The following CCR5AS variants were observed in gnomAD, a reference collection of about 807,000 sequenced individuals.
CCR5AS encodes the protein CCR5 antisense RNA.
At chr3:46,388,142 T>C (rs1386587296) in intron 2 of CCR5AS, among the ~76,000 whole-genome samples, 1 of 152,096 alleles carries the variant, frequency 6.6e-6, no homozygotes, top group Non-Finnish European at 1.5e-5. Context: ...TCTTCTTATA[T>C]TAATAAGAAA....
intron 2 of CCR5AS, among the ~76,000 whole-genome samples, chr3:46,380,812 C>T (rs1701809162): frequency 6.6e-6 from 1 of 152,234 alleles, no homozygotes; most frequent in African/African-American, 2.4e-5. Context: ...GATCTGCCTG[C>T]ATTGCTGCCC....
intron 2 of CCR5AS, chr3:46,373,188 T>C (rs756101518): frequency 6.2e-7 from 1 of 1,614,172 alleles, no homozygotes; most frequent in Non-Finnish European, 8.5e-7. Context: ...CCAGTGGGAC[T>C]TTGGAAATAC....
At position 46,378,031 on chromosome 3, in the gene CCR5AS, G is replaced by A. The variant is rs547918842; in HGVS notation, n.392-6614C>T. The stretch of plus-strand genomic sequence containing the variant: ...CCAACAAATCATGAACTTTCTAACT[G>A]CAGTTCCTTGTAGCTTGTTAACACA... On this transcript the variant is annotated intron_variant and non_coding_transcript_variant, in intron 2 of 3. Coordinates refer to ENST00000451485, the Ensembl canonical transcript of CCR5AS. 4.6e-5 allele frequency among the ~76,000 whole-genome samples: 7 copies of A among 152,296 alleles called. No individual in the cohort carries two copies. The South Asian group carries it at 1.2e-3, about 27-fold the overall frequency.
At chr3:46,384,267 C>T (rs376947523) in intron 2 of CCR5AS, among the ~76,000 whole-genome samples, 176 of 152,312 alleles carry the variant, frequency 1.2e-3, no homozygotes, top group African/African-American at 3.8e-3. Flanking sequence ...GCCATCCCAT[C>T]CTAATCTTTT....
intron 1 of CCR5AS, among the ~76,000 whole-genome samples, chr3:46,396,999 T>C (rs1231064332): frequency 6.6e-6 from 1 of 152,232 alleles, no homozygotes; most frequent in Non-Finnish European, 1.5e-5. Context: ...CTCTCTTTTC[T>C]TGCCCCATCT....
At chr3:46,371,633 C>G (rs573333280) in intron 2 of CCR5AS, among the ~76,000 whole-genome samples, 45 of 152,280 alleles carry the variant, frequency 3.0e-4, no homozygotes, top group South Asian at 2.3e-3. Context: ...AGCAGCTGAA[C>G]TTAAATAGAC....
At chr3:46,383,874 C>A (rs1193152939) in intron 2 of CCR5AS, among the ~76,000 whole-genome samples, 1 of 152,110 alleles carries the variant, frequency 6.6e-6, no homozygotes, top group Admixed American at 6.5e-5. Context: ...CCAACTCATG[C>A]CATGAAAGAG....
At chr3:46,396,040 G>A (rs1274051556) in intron 1 of CCR5AS, among the ~76,000 whole-genome samples, 1 of 152,200 alleles carries the variant, frequency 6.6e-6, no homozygotes, top group East Asian at 1.9e-4. Context: ...GGCCTTCACA[G>A]TCCCCAGCTT....
intron 2 of CCR5AS, among the ~76,000 whole-genome samples, chr3:46,391,559 G>A (rs1000964320): frequency 3.3e-5 from 5 of 152,148 alleles, no homozygotes; most frequent in African/African-American, 1.2e-4. Context: ...GGACTCAGCT[G>A]GGTTTTCATA....
rs779364675 is a variant in CCR5AS, at chr3:46,373,511, G to A, written n.392-2094C>T. The A allele has an allele frequency of 6.2e-6, 10 of 1,613,104 alleles. No homozygotes were observed. In the African/African-American group the frequency reaches 1.3e-4, roughly 22 times the overall value. On this transcript the variant is annotated intron_variant and non_coding_transcript_variant, in intron 2 of 3. Coordinates refer to ENST00000451485, the Ensembl canonical transcript of CCR5AS. ...CATTAAAGATAGTCATCTTGGGGCT[G>A]GTCCTGCCGCTGCTTGTCATGGTCA...
intron 3 of CCR5AS, among the ~76,000 whole-genome samples, chr3:46,367,311 C>T (rs1053482652): frequency 2.7e-5 from 4 of 146,260 alleles, no homozygotes; most frequent in Admixed American, 6.9e-5. Context: ...AAGAACTACA[C>T]TTATAAAGAA....
chr3:46,400,235 C>T (rs932474158), intron 1 of CCR5AS, among the ~76,000 whole-genome samples: 2 of 152,184 alleles, frequency 1.3e-5, no homozygotes, highest in African/African-American at 2.4e-5. Flanking sequence ...AAGTAATCTG[C>T]CCACCTCGGC....
At chr3:46,387,885 G>T (rs1015810203) in intron 2 of CCR5AS, among the ~76,000 whole-genome samples, 1 of 152,154 alleles carries the variant, frequency 6.6e-6, no homozygotes. Flanking sequence ...TACAGGCGGG[G>T]GTCACAAGGT....
intron 1 of CCR5AS, among the ~76,000 whole-genome samples, chr3:46,395,845 G>C (rs968119450): frequency 6.6e-6 from 1 of 152,168 alleles, no homozygotes; most frequent in Non-Finnish European, 1.5e-5. Flanking sequence ...AGATAGGGAA[G>C]GGGCCCTTTC....
At chr3:46,369,202 A>T (rs1041688843) in intron 3 of CCR5AS, among the ~76,000 whole-genome samples, 3 of 152,186 alleles carry the variant, frequency 2.0e-5, no homozygotes, top group African/African-American at 4.8e-5. Flanking sequence ...GGGTTTTTTT[A>T]AAACCTCCAC....
intron 1 of CCR5AS, among the ~76,000 whole-genome samples, chr3:46,405,559 G>A (rs897427899): frequency 6.6e-6 from 1 of 152,130 alleles, no homozygotes; most frequent in East Asian, 1.9e-4. Flanking sequence ...AGGAGGTGGA[G>A]AGACCCAGGA....
intron 3 of CCR5AS, among the ~76,000 whole-genome samples, chr3:46,367,716 G>A (rs996625004): frequency 1.3e-5 from 2 of 152,062 alleles, no homozygotes; most frequent in Non-Finnish European, 2.9e-5. Flanking sequence ...GACTATAGGG[G>A]CGCACCACCA....
At chr3:46,386,456 G>A (rs907248935) in intron 2 of CCR5AS, among the ~76,000 whole-genome samples, 6 of 152,164 alleles carry the variant, frequency 3.9e-5, no homozygotes, top group Non-Finnish European at 8.8e-5. Flanking sequence ...CTCAGAGAAG[G>A]GGCAGGAGGA....
In CCR5AS at chr3:46,397,175, C is replaced by T. The variant is rs538006448; in HGVS notation, n.164-4123G>A. 5.3e-5 allele frequency among the ~76,000 whole-genome samples: 8 copies of T among 152,018 alleles called. 1 individual carries two copies. In the South Asian group the frequency reaches 1.2e-3, roughly 24 times the overall value. On this transcript the variant is annotated intron_variant and non_coding_transcript_variant, in intron 1 of 3. Coordinates refer to ENST00000451485, the Ensembl canonical transcript of CCR5AS. ...TTCCCCTGCCTCTCGTGAGCCAGGC[C>T]GGGTGCTCTTGGGACAGCTCCCACT...
Sources: allele counts gnomAD v4.1 joint callset (sites outside exome capture counted in the v4.1 genomes callset), GRCh38; gene constraint gnomAD v4.1.1; transcripts MANE v1.5; gene names NCBI Gene and HGNC (gene_info 2026-07-23, HGNC 2026-07-21).